LRRC4C: variants seen among roughly 807,000 people sequenced by gnomAD.
The protein encoded by LRRC4C is leucine rich repeat containing 4C.
Under a neutral mutation model 33.6 loss-of-function variants are expected in LRRC4C, and 5 were observed. The observed-to-expected ratio is 0.15, with a 90% CI of 0.08 to 0.31. The LOEUF (loss-of-function observed/expected upper bound fraction) is 0.31. Ranked by LOEUF, LRRC4C falls within the 10% of genes least tolerant of loss-of-function variation. LRRC4C has a pLI of 1.00. For missense variants in LRRC4C, 560 were observed against 796.7 expected, an observed-to-expected ratio of 0.70 and a Z score of 3.58; for synonymous variants, 329 against 302.0, an observed-to-expected ratio of 1.09 and a Z score of -0.93.
intron 2 of LRRC4C, among the ~76,000 whole-genome samples, chr11:40,846,661 A>G (rs1227152155): frequency 6.6e-6 from 1 of 152,010 alleles, no homozygotes; most frequent in African/African-American, 2.4e-5. Context: ...GTTTCATATG[A>G]AATTTAAACT....
chr11:40,569,067 C>G (rs1957874011), intron 3 of LRRC4C, among the ~76,000 whole-genome samples: 1 of 152,202 alleles, frequency 6.6e-6, no homozygotes, highest in Non-Finnish European at 1.5e-5. Flanking sequence ...AAGACACATG[C>G]TAAACATTTT....
At chr11:40,759,495 T>C (rs1451240715) in intron 2 of LRRC4C, among the ~76,000 whole-genome samples, 1 of 151,880 alleles carries the variant, frequency 6.6e-6, no homozygotes. Context: ...ATGGGAGATA[T>C]TCAGTACATA....
intron 1 of LRRC4C, among the ~76,000 whole-genome samples, chr11:41,338,912 TG>T (rs1324859560): frequency 6.6e-6 from 1 of 151,958 alleles, no homozygotes; most frequent in Non-Finnish European, 1.5e-5. Flanking sequence ...AATATTGACA[TG>T]GAAATGTCCC....
At chr11:40,379,929 CTGTGTTTTA>C (rs1948799680) in intron 3 of LRRC4C, among the ~76,000 whole-genome samples, 2 of 152,128 alleles carry the variant, frequency 1.3e-5, no homozygotes, top group South Asian at 4.1e-4. Context: ...GCTGAGCAAC[CTGTGTTTTA>C]ATGAGTCCTG....
intron 1 of LRRC4C, among the ~76,000 whole-genome samples, chr11:41,140,093 C>A (rs1190071610): frequency 6.6e-6 from 1 of 152,094 alleles, no homozygotes; most frequent in Non-Finnish European, 1.5e-5. Context: ...ATTGTTTAAC[C>A]TTTCTGACTT....
At chr11:41,176,071 CAACTAA>C (rs774435421) in intron 1 of LRRC4C, among the ~76,000 whole-genome samples, 22 of 151,950 alleles carry the variant, frequency 1.4e-4, no homozygotes, top group South Asian at 4.2e-4. Flanking sequence ...CCATCTTCGC[CAACTAA>C]AACTAAAAGT....
chr11:41,258,457 T>A (rs1181290762), intron 1 of LRRC4C, among the ~76,000 whole-genome samples: 1 of 152,008 alleles, frequency 6.6e-6, no homozygotes, highest in African/African-American at 2.4e-5. Flanking sequence ...TTTAAAATGT[T>A]TTAATATCTA....
At chr11:41,197,240 C>T (rs1057395931) in intron 1 of LRRC4C, among the ~76,000 whole-genome samples, 5 of 151,980 alleles carry the variant, frequency 3.3e-5, no homozygotes, top group African/African-American at 9.7e-5. Flanking sequence ...CAAAATAAGA[C>T]ACACTATTTT....
chr11:40,980,200 T>G (rs550942844), intron 1 of LRRC4C, among the ~76,000 whole-genome samples: 4 of 152,290 alleles, frequency 2.6e-5, no homozygotes, highest in Admixed American at 1.3e-4. Context: ...ACAAAAGCAC[T>G]AAAATGGGAA....
chr11:40,189,484 A>G (rs1198479554), intron 5 of LRRC4C, among the ~76,000 whole-genome samples: 1 of 152,170 alleles, frequency 6.6e-6, no homozygotes, highest in African/African-American at 2.4e-5. Flanking sequence ...AGTTTCTTCA[A>G]CTGTAGAAAA....
intron 4 of LRRC4C, among the ~76,000 whole-genome samples, chr11:40,258,440 T>G (rs1002304457): frequency 6.6e-6 from 1 of 152,302 alleles, no homozygotes; most frequent in Admixed American, 6.5e-5. Flanking sequence ...CACTAACATA[T>G]ATAATTTATT....
At chr11:40,846,820 C>A (rs1035949173) in intron 2 of LRRC4C, among the ~76,000 whole-genome samples, 7 of 152,028 alleles carry the variant, frequency 4.6e-5, no homozygotes, top group Admixed American at 2.0e-4. Flanking sequence ...TGTTTGTGTC[C>A]TCTCTTATTT....
At chr11:40,807,375 A>G (rs1951299722) in intron 2 of LRRC4C, among the ~76,000 whole-genome samples, 1 of 152,220 alleles carries the variant, frequency 6.6e-6, no homozygotes, top group Non-Finnish European at 1.5e-5. Flanking sequence ...AGTAGGTCTA[A>G]CCATGAAGAC....
intron 1 of LRRC4C, among the ~76,000 whole-genome samples, chr11:40,999,368 G>A (rs968677638): frequency 9.2e-5 from 14 of 152,026 alleles, no homozygotes; most frequent in African/African-American, 2.2e-4. Flanking sequence ...ACTCTACTAC[G>A]GACAGTCTGT....
intron 2 of LRRC4C, among the ~76,000 whole-genome samples, chr11:40,898,201 A>G (rs1353018823): frequency 6.6e-6 from 1 of 151,654 alleles, no homozygotes; most frequent in East Asian, 1.9e-4. Flanking sequence ...CTAAAAATAC[A>G]AAATTAGCCA....
At chr11:41,447,915 G>T (rs1390250058) in intron 1 of LRRC4C, among the ~76,000 whole-genome samples, 1 of 152,046 alleles carries the variant, frequency 6.6e-6, no homozygotes, top group Non-Finnish European at 1.5e-5. Flanking sequence ...ATTTGTGGGT[G>T]TTTGTTTATA....
rs79913593 is a variant in LRRC4C, at chr11:40,988,331, T to C, written c.-495-54608A>G. ...GCAAAGGGAGTATGTCTTTTGTCTTTTGTTATAATATGGGCTCATTCTTGA... is the reference window on the plus strand; with the variant it reads ...GCAAAGGGAGTATGTCTTTTGTCTTCTGTTATAATATGGGCTCATTCTTGA... On this transcript the variant is annotated intron_variant, in intron 1 of 6. Coordinates refer to ENST00000528697, the MANE Select transcript of LRRC4C (RefSeq NM_001258419.2). Among the ~76,000 whole-genome samples the C allele has an allele frequency of 9.3e-4, 141 of 152,304 alleles. No homozygotes were observed. The East Asian group carries it at 0.026, about 28-fold the overall frequency.
intron 1 of LRRC4C, among the ~76,000 whole-genome samples, chr11:41,038,417 A>C (rs575266546): frequency 6.6e-6 from 1 of 152,236 alleles, no homozygotes; most frequent in African/African-American, 2.4e-5. Context: ...TACATTTTCA[A>C]TGCTAATTTC....
Position 41,296,523 on chromosome 11 carries a change from C to T in LRRC4C, c.-496+162908G>A, listed in dbSNP as rs552623478. 2.2e-4 allele frequency among the ~76,000 whole-genome samples: 33 copies of T among 152,098 alleles called. No homozygotes were observed. In the East Asian group the frequency reaches 2.5e-3, roughly 12 times the overall value. On this transcript the variant is annotated intron_variant, in intron 1 of 6. Coordinates refer to ENST00000528697, the MANE Select transcript of LRRC4C (RefSeq NM_001258419.2). ...AGAGACGGGGTTTCACCATGTTGACCGGACCGGTCTTGAATTCCTGACCTC... is the reference window on the plus strand; with the variant it reads ...AGAGACGGGGTTTCACCATGTTGACTGGACCGGTCTTGAATTCCTGACCTC...
Sources: gnomAD v4.1 joint callset for allele counts (sites outside exome capture counted in the v4.1 genomes callset) on GRCh38, gnomAD v4.1.1 for gene constraint, MANE v1.5 for transcripts, NCBI Gene and HGNC (gene_info 2026-07-23, HGNC 2026-07-21) for gene names.